CLSPN: variants seen among roughly 807,000 people sequenced by gnomAD.
CLSPN encodes claspin.
A neutral mutation model predicts 156.3 loss-of-function variants in CLSPN; 85 were observed. The observed-to-expected ratio is 0.54, with a 90% CI of 0.46 to 0.65. CLSPN has a LOEUF of 0.65. CLSPN is among the 30% of genes least tolerant of loss of function. The probability of loss-of-function intolerance (pLI) is 0.00; values close to 1 mark genes in which losing one functional copy is unlikely to be tolerated. For synonymous variants in CLSPN, 534 were observed against 542.4 expected (o/e 0.98, Z 0.22); for missense variants, 1,407 against 1,554.9 (o/e 0.90, Z 1.60).
Position 35,762,454 on chromosome 1 carries a change from C to T in CLSPN, c.772G>A (p.Val258Ile), listed in dbSNP as rs35435909. The T allele has an allele frequency of 1.1e-5, 18 of 1,613,794 alleles. No individual in the cohort carries two copies. The highest frequency in any genetic ancestry group is 9.3e-6 in the Non-Finnish European group (11 of 1,179,904). ...TCACTTCCTTCCTCAAATGAATGGA[C>T]CCCACTCTCCAAAGATGGTTCTTTT... Reference protein sequence around the residue: ...KKKEPSLESGVHSFEEGSELS... With the variant: ...KKKEPSLESGIHSFEEGSELS... The change falls in exon 5 of 25, where the codon GTC (valine) becomes ATC (isoleucine). Residue 258 changes from valine to isoleucine, a missense_variant. Val to Ile is a conservative substitution (Grantham distance 29). Transcript: ENST00000318121.
downstream of CLSPN, among the ~76,000 whole-genome samples, chr1:35,729,145 T>G (rs918020424): frequency 1.3e-5 from 2 of 151,912 alleles, no homozygotes; most frequent in Admixed American, 1.3e-4. Context: ...TCAGCCTTTT[T>G]CCTTCCTTCA....
intron 5 of CLSPN, 86 bp downstream of exon 5, chr1:35,762,318 G>A: frequency 8.2e-7 from 1 of 1,226,728 alleles, no homozygotes; most frequent in Non-Finnish European, 1.2e-6. Context: ...AAATATGATA[G>A]ACAAAATAAA....
In CLSPN at chr1:35,721,073, CTT is replaced by C. The variant is rs965004107; in HGVS notation, c.3910-95_3910-94del. 177 of 869,046 alleles carry C rather than the reference CTT, an allele frequency of 2.0e-4. 1 individual carries two copies. In the African/African-American group the frequency reaches 2.9e-3, roughly 14 times the overall value. 53.8% of individuals were successfully genotyped at this position (869,046 alleles called of 1,614,324 possible). On this transcript the variant is annotated intron_variant, in intron 24 of 24. Transcript: ENST00000251195. ...GCAGACCCTGTTTCCTGCATCTAAA[CTT>C]ATAGTTTTGTATGCCTTATTTTGCC...
At position 35,737,668 on chromosome 1, in the gene CLSPN, G is replaced by A; in HGVS notation, c.3665-247C>T. 4 of 467,378 alleles carry A rather than the reference G, an allele frequency of 8.6e-6. No homozygotes were observed. The East Asian group carries it at 1.3e-4, about 15-fold the overall frequency. 29.0% of individuals were successfully genotyped at this position (467,378 alleles called of 1,614,324 possible). On this transcript the variant is annotated intron_variant, in intron 22 of 24. Coordinates refer to ENST00000318121, the MANE Select transcript of CLSPN (RefSeq NM_022111.4). ...GGAATAGTGAAGAGCTTCATTTCTG[G>A]AGTTAAATATTCCTGGATTCAAATC...
At chr1:35,722,478 G>A (rs1269134644) in intron 24 of CLSPN, among the ~76,000 whole-genome samples, 2 of 151,922 alleles carry the variant, frequency 1.3e-5, no homozygotes, top group Non-Finnish European at 2.9e-5. Flanking sequence ...TCAAACTCCT[G>A]ACATCAGGTG....
At position 35,735,281 on chromosome 1, in the gene CLSPN, G is replaced by A; in HGVS notation, c.*1215C>T. 1 of 985,416 alleles carries A rather than the reference G, an allele frequency of 1.0e-6. No homozygotes were observed. The highest frequency in any genetic ancestry group is 1.2e-6 in the Non-Finnish European group (1 of 829,930). The allele number at this position is 985,416 out of a possible 1,614,324, so 61.0% of individuals were successfully genotyped here. ...CAGAGTCTTTCTGACTTGGGTACCA[G>A]TTTAAGTCCTTATTAAGCAGCAAAA... On this transcript the variant is annotated 3_prime_UTR_variant, in exon 25 of 25. Coordinates refer to ENST00000318121, the MANE Select transcript of CLSPN (RefSeq NM_022111.4).
downstream of CLSPN, among the ~76,000 whole-genome samples, chr1:35,731,439 C>T (rs919953044): frequency 6.6e-6 from 1 of 152,018 alleles, no homozygotes; most frequent in East Asian, 1.9e-4. Flanking sequence ...TGTCATGCAT[C>T]GGCCATGAGA....
At chr1:35,762,923 G>C (rs1237092801) in intron 4 of CLSPN, among the ~76,000 whole-genome samples, 1 of 151,518 alleles carries the variant, frequency 6.6e-6, no homozygotes, top group Non-Finnish European at 1.5e-5. Context: ...AAATATCTTA[G>C]TGGTTTTTTT....
chr1:35,742,520 C>T (rs1571198930), intron 18 of CLSPN, among the ~76,000 whole-genome samples: 1 of 151,908 alleles, frequency 6.6e-6, no homozygotes, highest in East Asian at 2.0e-4. Flanking sequence ...CAGAACCATG[C>T]CTGGCTAATT....
At chr1:35,761,500 C>A (rs1642476513) in intron 6 of CLSPN, among the ~76,000 whole-genome samples, 1 of 152,136 alleles carries the variant, frequency 6.6e-6, no homozygotes, top group South Asian at 2.1e-4. Flanking sequence ...CAGTAGTCCC[C>A]GCTTATCCAG....
Position 35,735,723 on chromosome 1 carries a change from T to C in CLSPN, c.*773A>G, listed in dbSNP as rs1234418431. On this transcript the variant is annotated 3_prime_UTR_variant, in exon 25 of 25. Coordinates refer to ENST00000318121, the MANE Select transcript of CLSPN (RefSeq NM_022111.4). ...ACTATCTCAAAAAAAAAAAAAGAAA[T>C]CTTTCTTTCACCGAGCCCTGGTCAT... is the stretch of plus-strand genomic sequence containing the variant. 1.0e-6 allele frequency: 1 copy of C among 977,930 alleles called. No homozygotes were observed. Among genetic ancestry groups the C allele is most frequent in the Non-Finnish European group, 1.2e-6 (1 of 824,740 alleles). The allele number at this position is 977,930 out of a possible 1,614,324, so 60.6% of individuals were successfully genotyped here.
At chr1:35,761,736 A>G (rs1489854233) in intron 6 of CLSPN, among the ~76,000 whole-genome samples, 1 of 152,206 alleles carries the variant, frequency 6.6e-6, no homozygotes, top group Non-Finnish European at 1.5e-5. Context: ...TACCTCTCCA[A>G]AGAATCCTGA....
rs1349893252 is a variant in CLSPN at position 35,761,207 on chromosome 1, A to T, written c.896-3T>A. On this transcript the variant is annotated splice_region_variant and splice_polypyrimidine_tract_variant and intron_variant, in intron 6 of 24. Transcript: ENST00000318121. ...ATATGGAAGGTTCAGTGCAGACTCT[A>T]TAAAATGGAATAAAACAAGCAAATA... 3 of 1,526,896 alleles carry T rather than the reference A, an allele frequency of 2.0e-6. No individual in the cohort carries two copies. The South Asian group carries it at 3.4e-5, about 17-fold the overall frequency. 94.6% of individuals were successfully genotyped at this position (1,526,896 alleles called of 1,614,324 possible). A position where few individuals can be genotyped will look rare whatever the true frequency, so the allele number is the denominator to read the frequency against.
At chr1:35,762,651 A>G (rs1341407127) in intron 4 of CLSPN, among the ~76,000 whole-genome samples, 170 bp from the exon 5 acceptor site, 1 of 152,194 alleles carries the variant, frequency 6.6e-6, no homozygotes, top group Non-Finnish European at 1.5e-5. Context: ...TAGAAAACAG[A>G]TACCTCAGAT....
rs368541307 is a variant in CLSPN, at chr1:35,743,249, A to G, written c.3043-8T>C. On this transcript the variant is annotated splice_region_variant and splice_polypyrimidine_tract_variant and intron_variant, in intron 17 of 24. Transcript: ENST00000318121. ...AGAGTCACTGTGTTCATCCTACAAA[A>G]TCAGCATCATATCCAAATTAAGCAG... 3.8e-4 allele frequency: 609 copies of G among 1,602,450 alleles called. No individual in the cohort carries two copies. Among genetic ancestry groups the G allele is most frequent in the Non-Finnish European group, 4.8e-4 (566 of 1,169,960 alleles).
chr1:35,738,146 T>C, intron 21 of CLSPN, 49 bp from the exon 22 acceptor site: 1 of 702,776 alleles, frequency 1.4e-6, no homozygotes, highest in East Asian at 3.5e-5. Context: ...ATATACAGCA[T>C]TAAAAGTCTA....
At chr1:35,724,412 GTTGGCCCAGTTGTGAAAGTTC>G (rs570192508) in intron 24 of CLSPN, among the ~76,000 whole-genome samples, 71 of 152,356 alleles carry the variant, frequency 4.7e-4, no homozygotes, top group Admixed American at 3.8e-3. Context: ...AGAAGATAAA[GTTGGCCCAGTTGTGAAAGTTC>G]TTGACACCAT....
chr1:35,734,253 C>G lies in CLSPN; in HGVS notation c.*2243G>C. The G allele has an allele frequency of 1.0e-6, 1 of 985,438 alleles. No individual in the cohort carries two copies. Among genetic ancestry groups the G allele is most frequent in the Non-Finnish European group, 1.2e-6 (1 of 829,938 alleles). The allele number at this position is 985,438 out of a possible 1,614,324, so 61.0% of individuals were successfully genotyped here. On this transcript the variant is annotated 3_prime_UTR_variant, in exon 25 of 25. Transcript: ENST00000318121. ...GCATTCAAGCTGGACAGCAAATCTT[C>G]CCTTCAAGGCATTAAGATTTATTGA...
intron 8 of CLSPN, 116 bp downstream of exon 8, chr1:35,760,226 A>G (rs908358921): frequency 9.2e-6 from 7 of 761,672 alleles, no homozygotes; most frequent in Middle Eastern, 2.4e-4. Context: ...CAACTGCAGG[A>G]TAAGATCAAA....
Sources: gnomAD v4.1 joint callset for allele counts (sites outside exome capture counted in the v4.1 genomes callset) on GRCh38, gnomAD v4.1.1 for gene constraint, MANE v1.5 for transcripts, NCBI Gene and HGNC (gene_info 2026-07-23, HGNC 2026-07-21) for gene names.